SH3RF3: variants seen among roughly 807,000 people sequenced by gnomAD.
SH3RF3 encodes the protein SH3 domain containing ring finger 3, also known as E3 ubiquitin-protein ligase SH3RF3.
In SH3RF3, 29 loss-of-function variants were observed where a neutral mutation model predicts 66.3. The ratio of observed to expected loss-of-function variants is 0.44; its 90% CI spans 0.33 to 0.60. The LOEUF is 0.60. SH3RF3 is among the 20% of genes least tolerant of loss of function. The pLI, the probability that SH3RF3 is intolerant of heterozygous loss-of-function variation, is 0.04. For missense variants in SH3RF3, 1,194 were observed against 1,190.9 expected, an observed-to-expected ratio of 1.00 and a Z score of -0.04; for synonymous variants, 583 against 532.0, an observed-to-expected ratio of 1.10 and a Z score of -1.32.
chr2:109,445,558 A>G (rs1486100829), intron 7 of SH3RF3, among the ~76,000 whole-genome samples: 1 of 152,228 alleles, frequency 6.6e-6, no homozygotes, highest in Admixed American at 6.5e-5. Flanking sequence ...CTAAAAGAGG[A>G]CAAGGTATAG....
chr2:109,301,122 G>C (rs1320052357), intron 1 of SH3RF3, among the ~76,000 whole-genome samples: 48 of 152,332 alleles, frequency 3.2e-4, no homozygotes. Flanking sequence ...TGTGGGAATA[G>C]AAGGCCAGCT....
intron 1 of SH3RF3, among the ~76,000 whole-genome samples, chr2:109,309,328 A>G (rs1013838414): frequency 2.0e-5 from 3 of 150,602 alleles, no homozygotes; most frequent in Non-Finnish European, 4.4e-5. Flanking sequence ...TTTTGGGCTG[A>G]GACAAAAGAG....
chr2:109,498,172 C>A (rs1339712213), intron 9 of SH3RF3, among the ~76,000 whole-genome samples: 13 of 152,188 alleles, frequency 8.5e-5, no homozygotes. Flanking sequence ...CCTGCATGTC[C>A]CTGAGAGCAG....
intron 4 of SH3RF3, among the ~76,000 whole-genome samples, chr2:109,410,149 C>G (rs10188581): frequency 0.049 from 7,446 of 152,312 alleles, 337 homozygotes; most frequent in African/African-American, 0.11. Context: ...TGGTTACAAC[C>G]TGGCGGTTTA....
chr2:109,350,989 C>T (rs953339514), intron 2 of SH3RF3, among the ~76,000 whole-genome samples: 7 of 152,222 alleles, frequency 4.6e-5, no homozygotes, highest in African/African-American at 1.7e-4. Context: ...TTGGTGTTTG[C>T]TTTTGAATAG....
At chr2:109,394,404 G>A (rs1485875023) in intron 3 of SH3RF3, among the ~76,000 whole-genome samples, 1 of 152,120 alleles carries the variant, frequency 6.6e-6, no homozygotes, top group African/African-American at 2.4e-5. Context: ...CACCCCATCC[G>A]GTTTCATGTT....
intron 1 of SH3RF3, among the ~76,000 whole-genome samples, chr2:109,225,877 CCT>C (rs749990029): frequency 2.6e-5 from 4 of 152,194 alleles, no homozygotes; most frequent in Non-Finnish European, 5.9e-5. Flanking sequence ...GTGATCCTCC[CCT>C]CTCAGCCTCC....
intron 1 of SH3RF3, among the ~76,000 whole-genome samples, chr2:109,150,713 A>C (rs1330248358): frequency 6.6e-6 from 1 of 152,094 alleles, no homozygotes; most frequent in East Asian, 1.9e-4. Flanking sequence ...GATGAGCCTC[A>C]TTTCACAGAG....
At chr2:109,326,931 CA>C (rs1256588136) in intron 1 of SH3RF3, among the ~76,000 whole-genome samples, 1 of 152,238 alleles carries the variant, frequency 6.6e-6, no homozygotes, top group Non-Finnish European at 1.5e-5. Flanking sequence ...CATTCGGTTC[CA>C]GTTCAACTGC....
intron 3 of SH3RF3, among the ~76,000 whole-genome samples, chr2:109,375,279 C>A (rs1683354454): frequency 6.6e-6 from 1 of 152,342 alleles, no homozygotes; most frequent in African/African-American, 2.4e-5. Context: ...CCTCCTTGTC[C>A]TTTTCGCCCA....
At chr2:109,309,239 G>A (rs1277608764) in intron 1 of SH3RF3, among the ~76,000 whole-genome samples, 1 of 144,412 alleles carries the variant, frequency 6.9e-6, no homozygotes, top group Non-Finnish European at 1.5e-5. Flanking sequence ...TGTTGTTGGT[G>A]TATAAGAATG....
chr2:109,243,747 G>A (rs1351362032), intron 1 of SH3RF3, among the ~76,000 whole-genome samples: 2 of 152,196 alleles, frequency 1.3e-5, no homozygotes, highest in African/African-American at 4.8e-5. Context: ...AGAGAACCTC[G>A]GGGTGGCCCG....
At chr2:109,174,816 C>T (rs529448575) in intron 1 of SH3RF3, among the ~76,000 whole-genome samples, 16 of 152,282 alleles carry the variant, frequency 1.1e-4, no homozygotes, top group East Asian at 3.9e-4. Flanking sequence ...AGGGGCTTAG[C>T]GTGCAAGCTT....
At chr2:109,369,937 G>A (rs1425546722) in intron 2 of SH3RF3, among the ~76,000 whole-genome samples, 1 of 152,210 alleles carries the variant, frequency 6.6e-6, no homozygotes, top group East Asian at 1.9e-4. Context: ...GGAAAGGCGG[G>A]TGGTGCACTC....
intron 9 of SH3RF3, among the ~76,000 whole-genome samples, chr2:109,496,244 C>T (rs1040120869): frequency 6.6e-6 from 1 of 152,058 alleles, no homozygotes; most frequent in Non-Finnish European, 1.5e-5. Flanking sequence ...TTTTACAGAG[C>T]ACTAATTGCT....
chr2:109,193,859 T>C lies in SH3RF3; in HGVS notation c.573+63746T>C, dbSNP rs188333408. Reference sequence around the variant, plus strand: ...TTTAAGTCTCGTCTAGCCCCGGGGATGGGTTTTCTGATAATCTCCGTTTAC... The same window carrying C: ...TTTAAGTCTCGTCTAGCCCCGGGGACGGGTTTTCTGATAATCTCCGTTTAC... On this transcript the variant is annotated intron_variant, in intron 1 of 9. Transcript: ENST00000309415. 1.4e-3 allele frequency among the ~76,000 whole-genome samples: 220 copies of C among 152,282 alleles called. 1 individual carries two copies. Among genetic ancestry groups the C allele is most frequent in the African/African-American group, 4.5e-3 (185 of 41,564 alleles).
chr2:109,152,895 G>A (rs1287472226), intron 1 of SH3RF3, among the ~76,000 whole-genome samples: 1 of 152,180 alleles, frequency 6.6e-6, no homozygotes, highest in Non-Finnish European at 1.5e-5. Flanking sequence ...CCTTGTTCTC[G>A]ATGGAGGCAC....
chr2:109,175,801 A>G (rs1677901315), intron 1 of SH3RF3, among the ~76,000 whole-genome samples: 1 of 152,238 alleles, frequency 6.6e-6, no homozygotes, highest in Non-Finnish European at 1.5e-5. Context: ...GGAGTAATTC[A>G]TCTTTTAACA....
chr2:109,451,130 G>A (rs558063686), intron 8 of SH3RF3, among the ~76,000 whole-genome samples: 3 of 152,328 alleles, frequency 2.0e-5, no homozygotes, highest in South Asian at 4.1e-4. Flanking sequence ...GGTTGTTCCC[G>A]TGCTGACTGG....
Sources: gnomAD v4.1 joint callset for allele counts (sites outside exome capture counted in the v4.1 genomes callset) on GRCh38, gnomAD v4.1.1 for gene constraint, MANE v1.5 for transcripts, NCBI Gene and HGNC (gene_info 2026-07-23, HGNC 2026-07-21) for gene names.